The following ZNF468 variants were observed in gnomAD, a reference collection of about 807,000 sequenced individuals.
ZNF468 encodes zinc finger protein ZNF468.
Under a neutral mutation model 7.2 loss-of-function variants are expected in ZNF468, and 8 were observed. That is an observed-to-expected ratio of 1.11 (90% CI 0.65 to 2.01). The LOEUF (loss-of-function observed/expected upper bound fraction) is 2.01. Among genes scored for constraint, ZNF468 ranks in the 30% most tolerant of loss-of-function variants. ZNF468 has a pLI of 0.00. For synonymous variants in ZNF468, 218 were observed against 214.4 expected, an observed-to-expected ratio of 1.02 and a Z score of -0.15; for missense variants, 608 against 626.5, an observed-to-expected ratio of 0.97 and a Z score of 0.31.
intron 1 of ZNF468, among the ~76,000 whole-genome samples, chr19:52,856,144 G>A (rs1422336742): frequency 6.6e-6 from 1 of 152,262 alleles, no homozygotes; most frequent in Non-Finnish European, 1.5e-5. Flanking sequence ...ATGCAGCAGT[G>A]TAAACACACA....
In ZNF468 at chr19:52,840,463, C is replaced by A. The variant is rs766543325; in HGVS notation, c.*262G>T. The A allele has an allele frequency of 2.7e-6, 2 of 738,488 alleles. No individual in the cohort carries two copies. The highest frequency in any genetic ancestry group is 4.5e-6 in the Non-Finnish European group (2 of 443,716). The allele number at this position is 738,488 out of a possible 1,614,324, so 45.7% of individuals were successfully genotyped here. A position where few individuals can be genotyped will look rare whatever the true frequency, so the allele number is the denominator to read the frequency against. On this transcript the variant is annotated 3_prime_UTR_variant, in exon 4 of 4. Coordinates refer to ENST00000595646, the MANE Select transcript of ZNF468 (RefSeq NM_001008801.2). ...TTATATGCAAAAACCTTGTCACAAA[C>A]CTTACCTCTGTATGGTTTCTCTTCA... is the stretch of plus-strand genomic sequence containing the variant.
At chr19:52,849,404 A>G (rs1438311214) in intron 2 of ZNF468, 191 bp from the exon 3 acceptor site, 6 of 1,116,644 alleles carry the variant, frequency 5.4e-6, no homozygotes, top group Non-Finnish European at 7.4e-6. Context: ...TATTATCAAG[A>G]CATACTCTCA....
intron 3 of ZNF468, among the ~76,000 whole-genome samples, chr19:52,848,335 G>A (rs1361607874): frequency 2.6e-5 from 4 of 152,082 alleles, no homozygotes; most frequent in African/African-American, 4.8e-5. Flanking sequence ...TGGAGCTTTC[G>A]TAGAGTCCCA....
In ZNF468 at chr19:52,839,153, G is replaced by A. The variant is rs1288141917; in HGVS notation, c.*1572C>T. ...TGTAGTGTCAGCTACTTGGGAGACTGAGGCAGGAGAATTGCTTGAACCTGG... is the reference window on the plus strand; with the variant it reads ...TGTAGTGTCAGCTACTTGGGAGACTAAGGCAGGAGAATTGCTTGAACCTGG... On this transcript the variant is annotated 3_prime_UTR_variant, in exon 4 of 4. Transcript: ENST00000595646. 6.4e-6 allele frequency: 1 copy of A among 155,592 alleles called. No homozygotes were observed. Among genetic ancestry groups the A allele is most frequent in the Non-Finnish European group, 1.4e-5 (1 of 70,426 alleles). 9.6% of individuals were successfully genotyped at this position (155,592 alleles called of 1,614,324 possible). A position where few individuals can be genotyped will look rare whatever the true frequency, so the allele number is the denominator to read the frequency against.
chr19:52,839,010 T>C lies in ZNF468; in HGVS notation c.*1715A>G, dbSNP rs1335712996. 1 of 152,168 alleles carries C rather than the reference T, an allele frequency of 6.6e-6. No homozygotes were observed. Among genetic ancestry groups the C allele is most frequent in the African/African-American group, 2.4e-5 (1 of 41,390 alleles). The allele number at this position is 152,168 out of a possible 1,614,324, so 9.4% of individuals were successfully genotyped here. A position where few individuals can be genotyped will look rare whatever the true frequency, so the allele number is the denominator to read the frequency against. On this transcript the variant is annotated 3_prime_UTR_variant, in exon 4 of 4. Coordinates refer to ENST00000595646, the MANE Select transcript of ZNF468 (RefSeq NM_001008801.2). ...GCTCACTCCTGTAATCTCAGCACTT[T>C]GGGAGGTGGAGTCGGGTGGATCATA...
chr19:52,843,327 G>T (rs1278463571), intron 3 of ZNF468, among the ~76,000 whole-genome samples: 2 of 151,944 alleles, frequency 1.3e-5, no homozygotes, highest in Non-Finnish European at 2.9e-5. Context: ...TCCACCTCCT[G>T]GGTTCATGCT....
chr19:52,848,852 G>A (rs1341864816), intron 3 of ZNF468, among the ~76,000 whole-genome samples: 3 of 152,114 alleles, frequency 2.0e-5, no homozygotes, highest in Non-Finnish European at 4.4e-5. Context: ...CGACCAGGCT[G>A]CCATAAGGTT....
At chr19:52,855,465 G>A (rs1169253129) in intron 1 of ZNF468, among the ~76,000 whole-genome samples, 1 of 152,264 alleles carries the variant, frequency 6.6e-6, no homozygotes, top group Non-Finnish European at 1.5e-5. Flanking sequence ...TAAGCTCCCA[G>A]GAGGAGGCTG....
chr19:52,841,596 T>A lies in ZNF468; in HGVS notation c.698A>T (p.His233Leu). 1 of 1,614,102 alleles carries A rather than the reference T, an allele frequency of 6.2e-7. No individual in the cohort carries two copies. The highest frequency in any genetic ancestry group is 2.2e-5 in the East Asian group (1 of 44,858). ...TTTCTCTTCTAAGTGAATTATCTGA[T>A]GTTTTTTTAAGAGTGAGCTGCAATT... ...SFNCSSLLKKHQIIHLEEKQC... is the reference protein window; with the variant it reads ...SFNCSSLLKKLQIIHLEEKQC... The change falls in exon 4 of 4, where the codon CAT becomes CTT. Residue 233 changes from histidine to leucine, a missense_variant. Transcript: ENST00000595646.
intron 2 of ZNF468, among the ~76,000 whole-genome samples, chr19:52,850,295 A>C (rs1363639943): frequency 6.6e-6 from 1 of 152,050 alleles, no homozygotes; most frequent in Non-Finnish European, 1.5e-5. Context: ...AGCAGTAATC[A>C]CCCTTTCAAC....
At chr19:52,854,709 T>C (rs900510082) in intron 1 of ZNF468, among the ~76,000 whole-genome samples, 14 of 152,036 alleles carry the variant, frequency 9.2e-5, no homozygotes, top group African/African-American at 3.4e-4. Context: ...GCCAACATGG[T>C]GAAAGCCTGT....
intron 3 of ZNF468, among the ~76,000 whole-genome samples, chr19:52,847,426 C>A (rs201782798): frequency 9.7e-6 from 1 of 102,826 alleles, no homozygotes; most frequent in East Asian, 2.3e-4. Flanking sequence ...GATATGGCCT[C>A]ATGGGAAAGG....
chr19:52,844,783 C>G (rs2063330039), intron 3 of ZNF468, among the ~76,000 whole-genome samples: 2 of 152,082 alleles, frequency 1.3e-5, no homozygotes, highest in Non-Finnish European at 2.9e-5. Flanking sequence ...AAGTGATCAA[C>G]CTGTTGCAGC....
rs8100893 is a variant in ZNF468, at chr19:52,842,068, T to A, written c.226A>T (p.Arg76Ter). The A allele has an allele frequency of 4.0e-5, 64 of 1,613,764 alleles. No homozygotes were observed. Among genetic ancestry groups the A allele is most frequent in the Non-Finnish European group, 4.9e-5 (58 of 1,179,920 alleles). Residue 76 changes from arginine to a stop codon, truncating the protein, a stop_gained, in exon 4 of 4, where the codon AGA becomes TGA. Coordinates refer to ENST00000595646, the MANE Select transcript of ZNF468 (RefSeq NM_001008801.2). LOFTEE classifies it low-confidence loss of function (END_TRUNC). ...TEVIHTGTLH[R>*]QASHHIGEFC... Reference sequence around the variant, plus strand: ...TCTCCAATGTGATGACTTGCTTGTCTGTGCAATGTCCCTGTGTGGATCACT... The same window carrying A: ...TCTCCAATGTGATGACTTGCTTGTCAGTGCAATGTCCCTGTGTGGATCACT...
At chr19:52,842,572 C>G (rs1254016255) in intron 3 of ZNF468, among the ~76,000 whole-genome samples, 5 of 142,332 alleles carry the variant, frequency 3.5e-5, no homozygotes, top group African/African-American at 5.5e-5. Context: ...GGTAAATAAT[C>G]CACAACAAGC....
intron 1 of ZNF468, among the ~76,000 whole-genome samples, chr19:52,855,959 A>C (rs1391753428): frequency 5.3e-5 from 8 of 152,222 alleles, no homozygotes; most frequent in African/African-American, 1.9e-4. Flanking sequence ...CTGAATTCTT[A>C]CATGGGGGCC....
Position 52,839,586 on chromosome 19 carries a change from G to C in ZNF468, c.*1139C>G. The C allele has an allele frequency of 3.7e-6, 2 of 542,428 alleles. No individual in the cohort carries two copies. The highest frequency in any genetic ancestry group is 7.5e-6 in the Non-Finnish European group (2 of 267,038). The allele number at this position is 542,428 out of a possible 1,614,324, so 33.6% of individuals were successfully genotyped here. A position where few individuals can be genotyped will look rare whatever the true frequency, so the allele number is the denominator to read the frequency against. On this transcript the variant is annotated 3_prime_UTR_variant, in exon 4 of 4. Coordinates refer to ENST00000595646, the MANE Select transcript of ZNF468 (RefSeq NM_001008801.2). ...CTGATGGTCTGCAAGGAGTGACCTT[G>C]GACTGAAGACCCTTCCACACTGATG...
rs574675779 is a variant in ZNF468 at position 52,850,665 on chromosome 19, C to A, written c.16-1452G>T. Among the ~76,000 whole-genome samples, 51 of 151,762 alleles carry A rather than the reference C, an allele frequency of 3.4e-4. 3 individuals carry two copies. The East Asian group carries it at 9.9e-3, about 30-fold the overall frequency. On this transcript the variant is annotated intron_variant, in intron 2 of 3. Transcript: ENST00000595646. ...CTGTAATCCCAGCACTTTGGGAGGC[C>A]GAGGTGGGCGGATCACGAGGTCAGG...
chr19:52,840,358 C>G lies in ZNF468; in HGVS notation c.*367G>C. The G allele has an allele frequency of 2.1e-6, 1 of 476,350 alleles. No individual in the cohort carries two copies. Among genetic ancestry groups the G allele is most frequent in the Non-Finnish European group, 4.0e-6 (1 of 250,378 alleles). The allele number at this position is 476,350 out of a possible 1,614,324, so 29.5% of individuals were successfully genotyped here. A position where few individuals can be genotyped will look rare whatever the true frequency, so the allele number is the denominator to read the frequency against. ...TTTAATTACAAGGTGTGAATTTTGA[C>G]CAACGGTCTTGCCACACTCATTACA... On this transcript the variant is annotated 3_prime_UTR_variant, in exon 4 of 4. Coordinates refer to ENST00000595646, the MANE Select transcript of ZNF468 (RefSeq NM_001008801.2).
Sources: allele counts gnomAD v4.1 joint callset (sites outside exome capture counted in the v4.1 genomes callset), GRCh38; gene constraint gnomAD v4.1.1; transcripts MANE v1.5; gene names NCBI Gene and HGNC (gene_info 2026-07-23, HGNC 2026-07-21).